Variants in LINGO2 observed in about 807,000 individuals in gnomAD.
The protein encoded by LINGO2 is leucine rich repeat and Ig domain containing 2, also known as leucine-rich repeat and immunoglobulin-like domain-containing nogo receptor-interacting protein 2.
LINGO2 carries 14 observed loss-of-function variants against 30.6 expected under a neutral mutation model. The observed-to-expected ratio is 0.46, with a 90% confidence interval of 0.30 to 0.72. The LOEUF (loss-of-function observed/expected upper bound fraction) is 0.72. LINGO2 is among the 30% of genes least tolerant of loss of function. LINGO2 has a pLI of 0.07. For missense variants in LINGO2, 729 were observed against 751.7 expected (o/e 0.97, Z 0.35); for synonymous variants, 317 against 288.5 (o/e 1.10, Z -1.00).
At chr9:28,848,069 A>ATACT in the LINGO2 span, among the ~76,000 whole-genome samples, 34 of 43,484 alleles carry the variant, frequency 7.8e-4, no homozygotes, top group South Asian at 5.8e-3. Context: ...ATATGTATAT[A>ATACT]ATATATATAT....
chr9:29,015,423 T>G, the LINGO2 span, among the ~76,000 whole-genome samples: 1 of 152,168 alleles, frequency 6.6e-6, no homozygotes, highest in Admixed American at 6.6e-5. Context: ...GGCCAGACAA[T>G]AAATGCTTTA....
At chr9:28,049,295 T>G (rs1824563179) in intron 4 of LINGO2, among the ~76,000 whole-genome samples, 1 of 150,802 alleles carries the variant, frequency 6.6e-6, no homozygotes, top group Non-Finnish European at 1.5e-5. Flanking sequence ...GTTGGTCTAG[T>G]GGAGGTAGAC....
intron 1 of LINGO2, among the ~76,000 whole-genome samples, chr9:28,495,570 G>T (rs1587753689): frequency 6.6e-6 from 1 of 152,120 alleles, no homozygotes; most frequent in African/African-American, 2.4e-5. Flanking sequence ...TGTTCCATTG[G>T]TCTATATCTC....
chr9:28,507,748 C>G (rs1820211051), intron 1 of LINGO2, among the ~76,000 whole-genome samples: 1 of 151,950 alleles, frequency 6.6e-6, no homozygotes. Context: ...TGAGGGAGAG[C>G]AAAAGGCTTT....
At chr9:28,453,784 C>T (rs1824739769) in intron 2 of LINGO2, among the ~76,000 whole-genome samples, 1 of 151,908 alleles carries the variant, frequency 6.6e-6, no homozygotes, top group Non-Finnish European at 1.5e-5. Context: ...ACCTTCAGGG[C>T]CCACAGCACA....
the LINGO2 span, among the ~76,000 whole-genome samples, chr9:28,843,041 A>G: frequency 6.6e-6 from 1 of 152,008 alleles, no homozygotes; most frequent in South Asian, 2.1e-4. Context: ...GCTAATATGA[A>G]ACTGAACTAC....
intron 2 of LINGO2, among the ~76,000 whole-genome samples, chr9:28,416,997 A>T (rs1165383900): frequency 6.6e-6 from 1 of 152,178 alleles, no homozygotes; most frequent in African/African-American, 2.4e-5. Flanking sequence ...TACACAATTT[A>T]TTGCAAATAT....
intron 4 of LINGO2, among the ~76,000 whole-genome samples, chr9:28,047,256 T>C (rs1239951377): frequency 2.0e-5 from 3 of 152,264 alleles, no homozygotes; most frequent in Non-Finnish European, 4.4e-5. Flanking sequence ...TGTAGTGATC[T>C]GACTCTTTGG....
chr9:28,985,591 A>T, the LINGO2 span, among the ~76,000 whole-genome samples: 1 of 152,132 alleles, frequency 6.6e-6, no homozygotes, highest in Admixed American at 6.6e-5. Flanking sequence ...TTTGCTTTGA[A>T]CTTAAATTTC....
At chr9:28,980,152 G>A in the LINGO2 span, among the ~76,000 whole-genome samples, 3 of 151,954 alleles carry the variant, frequency 2.0e-5, no homozygotes, top group Admixed American at 6.6e-5. Context: ...CCTTCACACT[G>A]TAGATCCAAA....
intron 2 of LINGO2, among the ~76,000 whole-genome samples, chr9:28,395,016 G>T (rs1018796144): frequency 6.6e-6 from 1 of 152,164 alleles, no homozygotes; most frequent in African/African-American, 2.4e-5. Flanking sequence ...TAGATTACCA[G>T]AGTTCAAACA....
chr9:28,886,574 A>C, the LINGO2 span, among the ~76,000 whole-genome samples: 1 of 152,092 alleles, frequency 6.6e-6, no homozygotes, highest in Non-Finnish European at 1.5e-5. Context: ...TACCACAGTT[A>C]CTCACATAAT....
intron 4 of LINGO2, among the ~76,000 whole-genome samples, chr9:28,013,646 A>T (rs1261612469): frequency 1.3e-5 from 2 of 152,198 alleles, no homozygotes; most frequent in Non-Finnish European, 2.9e-5. Flanking sequence ...ATTGTCTACA[A>T]TGGCTCTTCA....
chr9:28,706,066 A>G, the LINGO2 span, among the ~76,000 whole-genome samples: 1 of 152,116 alleles, frequency 6.6e-6, no homozygotes, highest in Non-Finnish European at 1.5e-5. Flanking sequence ...TGAGGGCACA[A>G]ATCTTCTGTA....
the LINGO2 span, among the ~76,000 whole-genome samples, chr9:29,039,653 C>G: frequency 3.3e-5 from 5 of 152,120 alleles, no homozygotes; most frequent in African/African-American, 1.2e-4. Context: ...GCTACCCCGA[C>G]CTTTCTAACC....
At chr9:28,953,107 A>G in the LINGO2 span, among the ~76,000 whole-genome samples, 2 of 152,136 alleles carry the variant, frequency 1.3e-5, no homozygotes, top group South Asian at 2.1e-4. Context: ...TCACTCTACA[A>G]GAGTTAAATA....
At chr9:29,033,020 T>C in the LINGO2 span, among the ~76,000 whole-genome samples, 385 of 152,280 alleles carry the variant, frequency 2.5e-3, 7 homozygotes, top group East Asian at 0.066. Context: ...AAAACTTCAA[T>C]GTTAATTTAT....
chr9:28,332,843 TA>T (rs747628163), intron 3 of LINGO2, among the ~76,000 whole-genome samples: 8 of 152,150 alleles, frequency 5.3e-5, no homozygotes, highest in Non-Finnish European at 1.0e-4. Flanking sequence ...AGTGAATGGT[TA>T]AAGCACATAT....
intron 3 of LINGO2, among the ~76,000 whole-genome samples, chr9:28,315,223 T>C (rs914670116): frequency 6.6e-6 from 1 of 151,512 alleles, no homozygotes; most frequent in Non-Finnish European, 1.5e-5. Flanking sequence ...CCCAAAATGG[T>C]GAAACCCCGT....
Sources: allele counts gnomAD v4.1 joint callset (sites outside exome capture counted in the v4.1 genomes callset), GRCh38; gene constraint gnomAD v4.1.1; transcripts MANE v1.5; gene names NCBI Gene and HGNC (gene_info 2026-07-23, HGNC 2026-07-21).